SMC1A: variants seen among roughly 807,000 people sequenced by gnomAD.
SMC1A encodes the protein structural maintenance of chromosomes 1A.
Under a neutral mutation model 94.5 loss-of-function variants are expected in SMC1A, and 4 were observed. That is an observed-to-expected ratio of 0.04 (90% CI 0.02 to 0.10). SMC1A has a LOEUF of 0.10. Among genes scored for constraint, SMC1A ranks in the 10% least tolerant of loss-of-function variants. The probability of loss-of-function intolerance (pLI) is 1.00; values close to 1 mark genes in which losing one functional copy is unlikely to be tolerated. For synonymous variants in SMC1A, 345 were observed against 347.7 expected, an observed-to-expected ratio of 0.99 and a Z score of 0.09; for missense variants, 304 against 989.0, an observed-to-expected ratio of 0.31 and a Z score of 9.29.
intron 19 of SMC1A, among the ~76,000 whole-genome samples, chrX:53,385,049 G>A (rs1270501578): frequency 4.5e-5 from 5 of 109,978 alleles, no homozygotes; most frequent in Non-Finnish European, 9.5e-5. Flanking sequence ...ATGCGTACAA[G>A]TGTGTTGGAG....
chrX:53,409,323 G>T (rs1008382492), intron 8 of SMC1A, 54 bp from the exon 9 acceptor site: 58 of 1,165,601 alleles, frequency 5.0e-5, no homozygotes, highest in Non-Finnish European at 6.3e-5. Flanking sequence ...AATACTCCTG[G>T]CTCAGAGAGC....
Position 53,409,190 on chromosome X carries a change from T to G in SMC1A, c.1417A>C (p.Ile473Leu). ...VEMAKRRIDE[I>L]NKELNQVMEQ... is the part of the protein sequence containing the mutation. ...ATCACCTGGTTCAGCTCCTTATTGA[T>G]TTCATCAATACGCCGCTTGGCCATC... The change falls in exon 9 of 25, where the codon ATC becomes CTC. Residue 473 changes from isoleucine to leucine, a missense_variant. Ile to Leu is a conservative substitution (Grantham distance 5). Coordinates refer to ENST00000322213, the MANE Select transcript of SMC1A (RefSeq NM_006306.4). 8.3e-7 allele frequency: 1 copy of G among 1,211,618 alleles called. No homozygotes were observed. The highest frequency in any genetic ancestry group is 1.1e-6 in the Non-Finnish European group (1 of 895,425).
At chrX:53,389,685 G>A (rs1556886905) in intron 19 of SMC1A, among the ~76,000 whole-genome samples, 1 of 109,232 alleles carries the variant, frequency 9.2e-6, no homozygotes, top group Non-Finnish European at 1.9e-5. Context: ...AGCTGAGATT[G>A]TGCCCCTGCA....
chrX:53,397,601 C>T (rs1302984679), intron 16 of SMC1A, among the ~76,000 whole-genome samples: 1 of 109,713 alleles, frequency 9.1e-6, no homozygotes, highest in Non-Finnish European at 1.9e-5. Flanking sequence ...ATAATAATCA[C>T]ATAAAGGGGA....
chrX:53,411,080 G>T (rs2075710951), intron 7 of SMC1A, among the ~76,000 whole-genome samples: 1 of 109,470 alleles, frequency 9.1e-6, no homozygotes, highest in Non-Finnish European at 1.9e-5. Context: ...GCATGACAGA[G>T]AAAGACTCTG....
intron 5 of SMC1A, among the ~76,000 whole-genome samples, chrX:53,412,592 C>T (rs1472597029): frequency 8.9e-6 from 1 of 111,835 alleles, no homozygotes; most frequent in African/African-American, 3.3e-5. Context: ...GCTTCAGTTT[C>T]CTCTTCTAGG....
chrX:53,383,051 A>G, intron 20 of SMC1A, 46 bp downstream of exon 20: 1 of 1,155,422 alleles, frequency 8.7e-7, no homozygotes, highest in Non-Finnish European at 1.2e-6. Context: ...GCATACCCTT[A>G]GCCTCTTGTC....
intron 1 of SMC1A, among the ~76,000 whole-genome samples, chrX:53,416,868 T>C (rs2075734192): frequency 8.9e-6 from 1 of 112,104 alleles, no homozygotes; most frequent in Non-Finnish European, 1.9e-5. Flanking sequence ...ATATTCCTGT[T>C]GTGAAACAAT....
At chrX:53,391,458 TA>T (rs782035311) in intron 19 of SMC1A, among the ~76,000 whole-genome samples, 484 of 89,451 alleles carry the variant, frequency 5.4e-3, no homozygotes, top group Middle Eastern at 0.016. Context: ...GTCTCCACGT[TA>T]AAAAAAAAAA....
In SMC1A at chrX:53,380,075, C is replaced by G. The variant is rs375982884; in HGVS notation, c.*28G>C. 9.3e-7 allele frequency: 1 copy of G among 1,075,233 alleles called. No individual in the cohort carries two copies. The highest frequency in any genetic ancestry group is 1.3e-6 in the Non-Finnish European group (1 of 772,597). The allele number at this position is 1,075,233 out of a possible 1,213,427, so 88.6% of individuals were successfully genotyped here. A position where few individuals can be genotyped will look rare whatever the true frequency, so the allele number is the denominator to read the frequency against. ...TTGGGAGAGGGACAGCTTAGGGATC[C>G]AGACAGGGCGGGAGGGCAAAAATAC... On this transcript the variant is annotated 3_prime_UTR_variant, in exon 25 of 25. Coordinates refer to ENST00000322213, the MANE Select transcript of SMC1A (RefSeq NM_006306.4).
rs371102918 is a variant in SMC1A, at chrX:53,394,897, G to C, written c.2863-9C>G. The C allele has an allele frequency of 4.7e-6, 5 of 1,057,283 alleles. No individual in the cohort carries two copies. Among genetic ancestry groups the C allele is most frequent in the African/African-American group, 3.7e-5 (2 of 54,313 alleles). The allele number at this position is 1,057,283 out of a possible 1,213,427, so 87.1% of individuals were successfully genotyped here. On this transcript the variant is annotated splice_polypyrimidine_tract_variant and intron_variant, in intron 18 of 24. Coordinates refer to ENST00000322213, the MANE Select transcript of SMC1A (RefSeq NM_006306.4). ...TCCCCCTGGGAGCTACCCTGCAATGGCAACGGAGAGTCAAGTGGAGCAGAC... is the reference window on the plus strand; with the variant it reads ...TCCCCCTGGGAGCTACCCTGCAATGCCAACGGAGAGTCAAGTGGAGCAGAC...
rs1019508564 is a variant in SMC1A, at chrX:53,378,914, T to C, written c.*1189A>G. 9.0e-6 allele frequency: 1 copy of C among 111,676 alleles called. No homozygotes were observed. The highest frequency in any genetic ancestry group is 1.9e-5 in the Non-Finnish European group (1 of 53,098). 9.2% of individuals were successfully genotyped at this position (111,676 alleles called of 1,213,427 possible). A position where few individuals can be genotyped will look rare whatever the true frequency, so the allele number is the denominator to read the frequency against. On this transcript the variant is annotated 3_prime_UTR_variant, in exon 25 of 25. Transcript: ENST00000322213. ...TCAGGCACCCGGTTACCAGACATGA[T>C]TGAAGCTACAGGTTTCCTCAGGCCC...
In SMC1A at chrX:53,422,153, C is replaced by T. The variant is rs782615291; in HGVS notation, c.109+339G>A. 23 of 853,025 alleles carry T rather than the reference C, an allele frequency of 2.7e-5. No homozygotes were observed. The South Asian group carries it at 5.4e-4, about 20-fold the overall frequency. The allele number at this position is 853,025 out of a possible 1,213,427, so 70.3% of individuals were successfully genotyped here. A position where few individuals can be genotyped will look rare whatever the true frequency, so the allele number is the denominator to read the frequency against. ...GGGAAGCCGGCTCCGGCCGGTCCGG[C>T]GGGGAGCCGCGCGGCGGAGGACTGA... is the stretch of plus-strand genomic sequence containing the variant. On this transcript the variant is annotated intron_variant, in intron 1 of 24. Transcript: ENST00000322213.
intron 16 of SMC1A, among the ~76,000 whole-genome samples, chrX:53,397,636 G>A (rs2075656325): frequency 9.0e-6 from 1 of 110,682 alleles, no homozygotes; most frequent in South Asian, 3.8e-4. Flanking sequence ...ACTCCCAAAT[G>A]GCTCATAAAA....
chrX:53,404,382 A>T (rs1340720200), intron 13 of SMC1A, among the ~76,000 whole-genome samples: 1 of 108,285 alleles, frequency 9.2e-6, no homozygotes, highest in African/African-American at 3.4e-5. Context: ...CAAAAATTCA[A>T]ATTTGTTGAA....
chrX:53,419,264 C>T (rs951914868), intron 1 of SMC1A, among the ~76,000 whole-genome samples: 2 of 109,652 alleles, frequency 1.8e-5, no homozygotes, highest in Non-Finnish European at 3.8e-5. Flanking sequence ...CGGCATCTCA[C>T]GCCTGTAATC....
chrX:53,416,236 G>A (rs2075731589), intron 1 of SMC1A, among the ~76,000 whole-genome samples: 1 of 104,539 alleles, frequency 9.6e-6, no homozygotes, highest in Non-Finnish European at 2.0e-5. Context: ...CTGGGAGGTG[G>A]AGGCTGCAGT....
At chrX:53,381,884 T>C in intron 22 of SMC1A, 1 of 316,351 alleles carries the variant, frequency 3.2e-6, no homozygotes, top group Non-Finnish European at 5.7e-6. Flanking sequence ...AAGGAGGGCT[T>C]CCTAAAGGGG....
chrX:53,383,809 C>A (rs2075594369), intron 19 of SMC1A, among the ~76,000 whole-genome samples: 1 of 112,383 alleles, frequency 8.9e-6, no homozygotes, highest in Non-Finnish European at 1.9e-5. Context: ...GTGCCAGACA[C>A]TGGGGCCATC....
Sources: gnomAD v4.1 joint callset for allele counts (sites outside exome capture counted in the v4.1 genomes callset) on GRCh38, gnomAD v4.1.1 for gene constraint, MANE v1.5 for transcripts, NCBI Gene and HGNC (gene_info 2026-07-23, HGNC 2026-07-21) for gene names.